The following CSMD1 variants were observed in gnomAD, a reference collection of about 807,000 sequenced individuals.
CSMD1 encodes the protein CUB and Sushi multiple domains 1.
CSMD1 carries 213 observed loss-of-function variants against 417.5 expected under a neutral mutation model. The observed-to-expected ratio is 0.51, with a 90% CI of 0.46 to 0.57. The LOEUF is 0.57. Ranked by LOEUF, CSMD1 falls within the 20% of genes least tolerant of loss-of-function variation. The probability of loss-of-function intolerance (pLI) is 0.00; values close to 1 mark genes in which losing one functional copy is unlikely to be tolerated. For synonymous variants in CSMD1, 2,862 were observed against 1,736.8 expected (o/e 1.65, Z -16.11); for missense variants, 6,923 against 4,529.7 (o/e 1.53, Z -15.17).
Position 3,446,071 on chromosome 8 carries a change from A to C in CSMD1, c.1561+22641T>G, listed in dbSNP as rs528323964. 4.6e-5 allele frequency among the ~76,000 whole-genome samples: 7 copies of C among 152,318 alleles called. No homozygotes were observed. In the East Asian group the frequency reaches 1.4e-3, roughly 29 times the overall value. Reference sequence around the variant, plus strand: ...TTGACAAGAAGGTGAACAGTCTGGAAAGATAACAGTAAAGTTGAAATGGAC... The same window carrying C: ...TTGACAAGAAGGTGAACAGTCTGGACAGATAACAGTAAAGTTGAAATGGAC... On this transcript the variant is annotated intron_variant, in intron 12 of 69. Coordinates refer to ENST00000635120, the MANE Select transcript of CSMD1 (RefSeq NM_033225.6).
At chr8:3,159,588 G>T (rs900375812) in intron 38 of CSMD1, among the ~76,000 whole-genome samples, 2 of 152,156 alleles carry the variant, frequency 1.3e-5, no homozygotes, top group African/African-American at 4.8e-5. Flanking sequence ...ATATTAAAGT[G>T]TTAGTAAAAT....
intron 1 of CSMD1, among the ~76,000 whole-genome samples, chr8:4,769,242 C>T (rs1796483763): frequency 6.6e-6 from 1 of 152,112 alleles, no homozygotes; most frequent in African/African-American, 2.4e-5. Flanking sequence ...GCATATAAAA[C>T]ACTGGAAAAG....
chr8:4,509,953 G>A (rs1297708077), intron 2 of CSMD1, among the ~76,000 whole-genome samples: 1 of 152,056 alleles, frequency 6.6e-6, no homozygotes, highest in Admixed American at 6.6e-5. Context: ...ACTATTTTAT[G>A]ATTTTGCTGT....
chr8:4,460,032 C>G (rs1401950488), intron 2 of CSMD1, among the ~76,000 whole-genome samples: 1 of 152,152 alleles, frequency 6.6e-6, no homozygotes, highest in African/African-American at 2.4e-5. Context: ...GAACAGACAT[C>G]TACAGAACAT....
chr8:4,289,862 T>G (rs1026392851), intron 3 of CSMD1, among the ~76,000 whole-genome samples: 4 of 152,158 alleles, frequency 2.6e-5, no homozygotes, highest in Non-Finnish European at 4.4e-5. Context: ...TCAAAGTGTA[T>G]TTGCTACAAA....
intron 2 of CSMD1, among the ~76,000 whole-genome samples, chr8:4,557,219 G>C (rs970888875): frequency 6.6e-6 from 1 of 152,124 alleles, no homozygotes; most frequent in African/African-American, 2.4e-5. Flanking sequence ...CCTGCTACCA[G>C]ACAGCTACCC....
chr8:4,877,924 G>C (rs899310802), intron 1 of CSMD1, among the ~76,000 whole-genome samples: 1 of 152,028 alleles, frequency 6.6e-6, no homozygotes, highest in African/African-American at 2.4e-5. Context: ...CATGTACAAT[G>C]GGAAAGGGAC....
chr8:4,289,434 CACAA>C (rs956795681), intron 3 of CSMD1, among the ~76,000 whole-genome samples: 10 of 151,884 alleles, frequency 6.6e-5, no homozygotes, highest in Non-Finnish European at 1.2e-4. Context: ...CTATTTTTTG[CACAA>C]ACACTCTAAA....
At chr8:3,818,999 A>G (rs918943690) in intron 5 of CSMD1, among the ~76,000 whole-genome samples, 1 of 152,230 alleles carries the variant, frequency 6.6e-6, no homozygotes. Context: ...GCTGACATCA[A>G]TGATTTATCA....
At chr8:3,769,680 A>G (rs1455043841) in intron 5 of CSMD1, among the ~76,000 whole-genome samples, 9 of 152,158 alleles carry the variant, frequency 5.9e-5, no homozygotes, top group Admixed American at 5.9e-4. Context: ...CTATATATAT[A>G]TGATGTGTGA....
At chr8:3,804,925 T>C (rs538740082) in intron 5 of CSMD1, among the ~76,000 whole-genome samples, 1 of 152,260 alleles carries the variant, frequency 6.6e-6, no homozygotes, top group East Asian at 1.9e-4. Context: ...TTCAGGTTAG[T>C]AGCACAGTAA....
At chr8:4,333,135 AC>A (rs1181758169) in intron 3 of CSMD1, among the ~76,000 whole-genome samples, 6 of 152,258 alleles carry the variant, frequency 3.9e-5, no homozygotes, top group African/African-American at 1.2e-4. Flanking sequence ...AAATCCAGCA[AC>A]ACCTGATTGA....
intron 3 of CSMD1, among the ~76,000 whole-genome samples, chr8:4,264,411 T>C (rs1346911315): frequency 6.6e-6 from 1 of 152,192 alleles, no homozygotes; most frequent in Non-Finnish European, 1.5e-5. Flanking sequence ...AGGTTGCACA[T>C]GTATCTAAGG....
At chr8:4,533,230 T>C (rs187179249) in intron 2 of CSMD1, among the ~76,000 whole-genome samples, 1 of 152,204 alleles carries the variant, frequency 6.6e-6, no homozygotes, top group Non-Finnish European at 1.5e-5. Flanking sequence ...AAGAGCTCAG[T>C]GGTGCTCCAA....
intron 1 of CSMD1, among the ~76,000 whole-genome samples, chr8:4,847,715 G>A (rs572406661): frequency 8.7e-5 from 13 of 150,278 alleles, no homozygotes; most frequent in East Asian, 3.9e-4. Context: ...TGTTCTTCAC[G>A]CCTACCTTGA....
chr8:4,401,085 A>T (rs185501906), intron 3 of CSMD1, among the ~76,000 whole-genome samples: 204 of 152,292 alleles, frequency 1.3e-3, no homozygotes, highest in Middle Eastern at 0.01. Context: ...ATGAGTTTTT[A>T]CAAAGAAAAT....
At chr8:4,486,565 T>A (rs2130176404) in intron 2 of CSMD1, among the ~76,000 whole-genome samples, 1 of 152,218 alleles carries the variant, frequency 6.6e-6, no homozygotes, top group East Asian at 1.9e-4. Context: ...TAACAGAAGC[T>A]TATCAATGCA....
chr8:4,233,857 T>C (rs1275523532), intron 3 of CSMD1, among the ~76,000 whole-genome samples: 1 of 151,926 alleles, frequency 6.6e-6, no homozygotes. Context: ...ATATAAAGAA[T>C]CTAATCCTGA....
In CSMD1 at chr8:4,468,200, A is replaced by G. The variant is rs145626169; in HGVS notation, c.303-48135T>C. Among the ~76,000 whole-genome samples the G allele has an allele frequency of 5.1e-3, 783 of 152,302 alleles. 10 individuals are homozygous for G. The highest frequency in any genetic ancestry group is 0.018 in the African/African-American group (748 of 41,566). On this transcript the variant is annotated intron_variant, in intron 2 of 69. Transcript: ENST00000635120. ...ACTTGTCACGCTGTGTAAGTTGAGAAAGCAGCAGTGCCTGGGGCATGCCTG... is the reference window on the plus strand; with the variant it reads ...ACTTGTCACGCTGTGTAAGTTGAGAGAGCAGCAGTGCCTGGGGCATGCCTG...
Sources: allele counts gnomAD v4.1 joint callset (sites outside exome capture counted in the v4.1 genomes callset), GRCh38; gene constraint gnomAD v4.1.1; transcripts MANE v1.5; gene names NCBI Gene and HGNC (gene_info 2026-07-23, HGNC 2026-07-21).